ROCK2: variants seen among roughly 807,000 people sequenced by gnomAD.
The protein encoded by ROCK2 is rho-associated protein kinase 2.
Under a neutral mutation model 195.1 loss-of-function variants are expected in ROCK2, and 61 were observed. That is an observed-to-expected ratio of 0.31 (90% CI 0.25 to 0.39). The LOEUF (loss-of-function observed/expected upper bound fraction) is 0.39. Among genes scored for constraint, ROCK2 ranks in the 10% least tolerant of loss-of-function variants. ROCK2 has a pLI of 1.00. For missense variants in ROCK2, 1,109 were observed against 1,637.4 expected, an observed-to-expected ratio of 0.68 and a Z score of 5.57; for synonymous variants, 504 against 545.5, an observed-to-expected ratio of 0.92 and a Z score of 1.06.
At chr2:11,301,583 C>A (rs372114424) in intron 1 of ROCK2, among the ~76,000 whole-genome samples, 2 of 151,862 alleles carry the variant, frequency 1.3e-5, no homozygotes, top group African/African-American at 4.8e-5. Flanking sequence ...TTGAGACTAG[C>A]CTGGCCTACA....
At chr2:11,246,199 C>T (rs959208170) in intron 4 of ROCK2, among the ~76,000 whole-genome samples, 2 of 152,080 alleles carry the variant, frequency 1.3e-5, no homozygotes, top group African/African-American at 4.8e-5. Flanking sequence ...CAAAGTGGAA[C>T]CTGAATCTGA....
At chr2:11,307,280 C>A (rs1667887212) in intron 1 of ROCK2, among the ~76,000 whole-genome samples, 1 of 152,148 alleles carries the variant, frequency 6.6e-6, no homozygotes, top group South Asian at 2.1e-4. Context: ...TCCTTTCTTG[C>A]ATAATTGTCA....
chr2:11,333,625 G>A lies in ROCK2; in HGVS notation c.141+10371C>T, dbSNP rs117737856. 6.6e-4 allele frequency among the ~76,000 whole-genome samples: 101 copies of A among 152,240 alleles called. No individual in the cohort carries two copies. The East Asian group carries it at 0.016, about 25-fold the overall frequency. Reference sequence around the variant, plus strand: ...ATACCTGACAAATTCTCAAGTCATCGTGACTTGCAATGACACACTTGATTC... The same window carrying A: ...ATACCTGACAAATTCTCAAGTCATCATGACTTGCAATGACACACTTGATTC... On this transcript the variant is annotated intron_variant, in intron 1 of 32. Coordinates refer to ENST00000315872, the MANE Select transcript of ROCK2 (RefSeq NM_004850.5).
At chr2:11,312,491 T>C (rs1003475300) in intron 1 of ROCK2, among the ~76,000 whole-genome samples, 1 of 152,122 alleles carries the variant, frequency 6.6e-6, no homozygotes, top group Non-Finnish European at 1.5e-5. Flanking sequence ...TGTTTTCCTA[T>C]CACTATAAAT....
intron 1 of ROCK2, among the ~76,000 whole-genome samples, chr2:11,311,787 C>A (rs1251330251): frequency 6.6e-6 from 1 of 151,526 alleles, no homozygotes; most frequent in Non-Finnish European, 1.5e-5. Context: ...ACACACACAC[C>A]CCTATAGGAG....
chr2:11,249,727 TG>T lies in ROCK2; in HGVS notation c.395del (p.Ser132Ter). The T allele has an allele frequency of 6.3e-7, 1 of 1,592,934 alleles. No homozygotes were observed. The highest frequency in any genetic ancestry group is 8.5e-7 in the Non-Finnish European group (1 of 1,171,230). Reference protein sequence around the residue: ...LLSKFEMIKRSDSAFFWEERD... With the variant: ...LLSKFEMIKRXDSAFFWEERD... ...TTTCTTCCCAAAAAAAGGCAGAATC[TG>T]ATCTTTTTATCATTTCAAACTTACT... On this transcript the variant is annotated frameshift_variant, in exon 4 of 33. Transcript: ENST00000315872. LOFTEE classifies it high-confidence loss of function.
intron 1 of ROCK2, 33 bp downstream of exon 1, chr2:11,343,963 C>A (rs778889174): frequency 1.3e-6 from 2 of 1,581,188 alleles, no homozygotes; most frequent in Non-Finnish European, 1.7e-6. Context: ...GTGTGAGCTG[C>A]AACGAGCAAG....
intron 18 of ROCK2, among the ~76,000 whole-genome samples, chr2:11,210,515 A>AT (rs1380475185): frequency 6.6e-6 from 1 of 151,872 alleles, no homozygotes; most frequent in African/African-American, 2.4e-5. Context: ...TAATTTTTCT[A>AT]TTTTTTGTAG....
At chr2:11,302,016 G>C (rs1340546333) in intron 1 of ROCK2, among the ~76,000 whole-genome samples, 1 of 151,692 alleles carries the variant, frequency 6.6e-6, no homozygotes, top group African/African-American at 2.4e-5. Flanking sequence ...ATGTTGACTA[G>C]GCTGGTCTCG....
intron 12 of ROCK2, among the ~76,000 whole-genome samples, chr2:11,216,475 G>A (rs899397989): frequency 6.7e-6 from 1 of 149,174 alleles, no homozygotes; most frequent in Non-Finnish European, 1.5e-5. Flanking sequence ...GTGAGTCACC[G>A]CACCCGGCCG....
At chr2:11,208,972 T>C (rs1039270427) in intron 18 of ROCK2, among the ~76,000 whole-genome samples, 1 of 152,240 alleles carries the variant, frequency 6.6e-6, no homozygotes, top group African/African-American at 2.4e-5. Flanking sequence ...TGTATCACAC[T>C]CTGCAATATT....
At chr2:11,295,989 A>AGAGAGAGAGAGGAGAGAGAGAGG (rs1329784247) in intron 1 of ROCK2, among the ~76,000 whole-genome samples, 1 of 23,438 alleles carries the variant, frequency 4.3e-5, no homozygotes, top group African/African-American at 9.3e-5. Context: ...AGAGAGAGAG[A>AGAGAGAGAGAGGAGAGAGAGAGG]GGAGAGAGAG....
In ROCK2 at chr2:11,296,042, GAGAGAGAGAA is replaced by G. The variant is rs1238418970; in HGVS notation, c.142-8316_142-8307del. ...AGAGAGAGAGAGAGAGAGAGAGAGAGAGAGAGAGAAAACAAAGGGTCTCAAAGCAGAATAA... is the reference window on the plus strand; with the variant it reads ...AGAGAGAGAGAGAGAGAGAGAGAGAGAACAAAGGGTCTCAAAGCAGAATAA... On this transcript the variant is annotated intron_variant, in intron 1 of 32. Coordinates refer to ENST00000315872, the MANE Select transcript of ROCK2 (RefSeq NM_004850.5). Among the ~76,000 whole-genome samples, 289 of 149,306 alleles carry G rather than the reference GAGAGAGAGAA, an allele frequency of 1.9e-3. 3 individuals are homozygous for G. Among genetic ancestry groups the G allele is most frequent in the African/African-American group, 6.9e-3 (278 of 40,316 alleles).
chr2:11,337,676 AG>A (rs1668973813), intron 1 of ROCK2, among the ~76,000 whole-genome samples: 1 of 151,306 alleles, frequency 6.6e-6, no homozygotes, highest in Admixed American at 6.6e-5. Flanking sequence ...CTTGTTGCCC[AG>A]GCTGGAGTGC....
Position 11,249,662 on chromosome 2 carries a change from T to C in ROCK2, c.461A>G (p.Gln154Arg), listed in dbSNP as rs1193595808. Reference protein sequence around the residue: ...MAFANSPWVVQLFYAFQDDRY... With the variant: ...MAFANSPWVVRLFYAFQDDRY... ...ACTTATAAAAGTTAGTATGCTTACC[T>C]GAACCACCCAGGGGCTATTGGCAAA... The change falls in exon 4 of 33, where the codon CAG (glutamine) becomes CGG (arginine). Residue 154 changes from glutamine to arginine, a missense_variant and splice_region_variant. By Grantham distance (43) the Gln-to-Arg change is conservative. Around this residue, in one of 6 missense-constraint regions of ROCK2, gnomAD observed 253 missense variants for 455.5 expected, o/e 0.56. Transcript: ENST00000315872. 2 of 1,498,356 alleles carry C rather than the reference T, an allele frequency of 1.3e-6. No individual in the cohort carries two copies. The highest frequency in any genetic ancestry group is 1.8e-6 in the Non-Finnish European group (2 of 1,129,318). The allele number at this position is 1,498,356 out of a possible 1,614,324, so 92.8% of individuals were successfully genotyped here.
intron 27 of ROCK2, among the ~76,000 whole-genome samples, chr2:11,195,832 A>G (rs1159505212): frequency 6.6e-6 from 1 of 152,214 alleles, no homozygotes; most frequent in African/African-American, 2.4e-5. Context: ...TACATTTTAG[A>G]TAAAATTTGG....
intron 30 of ROCK2, 120 bp downstream of exon 30, chr2:11,193,659 G>A (rs1419457997): frequency 6.1e-6 from 3 of 492,204 alleles, no homozygotes; most frequent in Non-Finnish European, 1.1e-5. Context: ...GAAACATAAA[G>A]GTAACCTGAA....
chr2:11,334,609 G>T (rs1668867864), intron 1 of ROCK2, among the ~76,000 whole-genome samples: 1 of 151,242 alleles, frequency 6.6e-6, no homozygotes, highest in Non-Finnish European at 1.5e-5. Flanking sequence ...CATATTCTGT[G>T]CATTAAATAA....
chr2:11,188,307 A>G (rs1379052257), intron 32 of ROCK2, among the ~76,000 whole-genome samples: 2 of 151,842 alleles, frequency 1.3e-5, no homozygotes, highest in Admixed American at 1.3e-4. Context: ...ATGGGGTTTC[A>G]CCATCTTGGC....
Sources: gnomAD v4.1 joint callset for allele counts (sites outside exome capture counted in the v4.1 genomes callset) on GRCh38, gnomAD v4.1.1 for gene constraint, gnomAD v4.1.1 regional missense constraint, MANE v1.5 for transcripts, NCBI Gene and HGNC (gene_info 2026-07-23, HGNC 2026-07-21) for gene names.